Variants in SYNE1 observed in about 807,000 individuals in gnomAD.
SYNE1 encodes spectrin repeat containing nuclear envelope protein 1.
In SYNE1, 616 loss-of-function variants were observed where a neutral mutation model predicts 1,111.0. The ratio of observed to expected loss-of-function variants is 0.55; its 90% CI spans 0.52 to 0.59. The LOEUF (loss-of-function observed/expected upper bound fraction) is 0.59. SYNE1 is among the 20% of genes least tolerant of loss of function. The probability of loss-of-function intolerance (pLI) is 0.00; values close to 1 mark genes in which losing one functional copy is unlikely to be tolerated. For missense variants in SYNE1, 10,006 were observed against 10,417.0 expected (o/e 0.96, Z 1.72); for synonymous variants, 3,855 against 3,825.8 (o/e 1.01, Z -0.28).
chr6:152,286,933 G>A (rs748063281), intron 95 of SYNE1, among the ~76,000 whole-genome samples: 7 of 152,116 alleles, frequency 4.6e-5, no homozygotes, highest in Admixed American at 1.3e-4. Flanking sequence ...ATTCGCATAC[G>A]TTATCTTCTG....
chr6:152,499,311 T>C (rs2099015943), intron 10 of SYNE1, among the ~76,000 whole-genome samples: 1 of 152,094 alleles, frequency 6.6e-6, no homozygotes, highest in Admixed American at 6.5e-5. Context: ...GACTGAGTGC[T>C]AATTATTCAA....
At chr6:152,279,735 A>T (rs1277388406) in intron 97 of SYNE1, among the ~76,000 whole-genome samples, 1 of 151,350 alleles carries the variant, frequency 6.6e-6, no homozygotes, top group African/African-American at 2.4e-5. Context: ...AAAAAAAAAA[A>T]AGAATATAAC....
At chr6:152,572,014 A>T (rs887940162) in intron 3 of SYNE1, among the ~76,000 whole-genome samples, 8 of 152,170 alleles carry the variant, frequency 5.3e-5, no homozygotes, top group Non-Finnish European at 1.0e-4. Flanking sequence ...TGAATTAAAG[A>T]AGGGGTTGGG....
intron 91 of SYNE1, 104 bp downstream of exon 91, chr6:152,308,385 G>A: frequency 6.5e-7 from 1 of 1,535,764 alleles, no homozygotes; most frequent in Non-Finnish European, 8.9e-7. Flanking sequence ...AACACATTAA[G>A]TGCAGGACAG....
In SYNE1 at chr6:152,149,576, A is replaced by C; in HGVS notation, c.24543T>G (p.Asp8181Glu). 1.2e-6 allele frequency: 2 copies of C among 1,614,170 alleles called. No individual in the cohort carries two copies. The highest frequency in any genetic ancestry group is 1.7e-6 in the Non-Finnish European group (2 of 1,180,044). The change falls in exon 136 of 146, where the codon GAT becomes GAG. Residue 8181 changes from aspartate (D) to glutamate (E), a missense_variant. Coordinates refer to ENST00000367255, the MANE Select transcript of SYNE1 (RefSeq NM_182961.4). ...EQLIEKSEPL[D>E]AAIIEEELDE... ...CTAGTTCCTCCTCGATGATCGCTGC[A>C]TCCAAGGGCTCACTCTTTTCTATCA...
At chr6:152,394,967 G>C (rs973866269) in intron 51 of SYNE1, among the ~76,000 whole-genome samples, 1 of 151,898 alleles carries the variant, frequency 6.6e-6, no homozygotes, top group Non-Finnish European at 1.5e-5. Flanking sequence ...ATTTTTAGTA[G>C]AGACAGGGTT....
intron 3 of SYNE1, among the ~76,000 whole-genome samples, chr6:152,614,952 G>A (rs1186639025): frequency 6.6e-6 from 1 of 152,028 alleles, no homozygotes; most frequent in Non-Finnish European, 1.5e-5. Context: ...TGGAGACGGG[G>A]GCAGGGGAGA....
rs188852595 is a variant in SYNE1, at chr6:152,148,242, G to A, written c.24779C>T (p.Ser8260Leu). 71 of 1,613,866 alleles carry A rather than the reference G, an allele frequency of 4.4e-5. No homozygotes were observed. Among genetic ancestry groups the A allele is most frequent in the South Asian group, 7.7e-5 (7 of 91,036 alleles). Residue 8260 changes from serine to leucine, a missense_variant, in exon 137 of 146, where the codon TCG becomes TTG. Ser to Leu is a moderately radical substitution (Grantham distance 145). This residue lies in a region of SYNE1 where 761 missense variants were observed against 795.5 expected (regional missense o/e 0.96). Transcript: ENST00000367255. The surrounding 1 kb of genome is among the most constrained non-coding windows in gnomAD (Gnocchi z 4.1). ...SPQPSSNLSLSLAQPLRSERS... is the reference protein window; with the variant it reads ...SPQPSSNLSLLLAQPLRSERS... ...CTCGCTCCGGAGGGGCTGAGCGAGCGAGAGGGAGAGATTGGAGGAAGGCTG... is the reference window on the plus strand; with the variant it reads ...CTCGCTCCGGAGGGGCTGAGCGAGCAAGAGGGAGAGATTGGAGGAAGGCTG...
intron 16 of SYNE1, among the ~76,000 whole-genome samples, chr6:152,469,125 G>T (rs1388602139): frequency 6.6e-6 from 1 of 151,996 alleles, no homozygotes; most frequent in African/African-American, 2.4e-5. Context: ...GGAAAGAATT[G>T]CACTTACAAA....
intron 3 of SYNE1, among the ~76,000 whole-genome samples, chr6:152,581,986 C>T (rs1055070093): frequency 6.6e-6 from 1 of 151,998 alleles, no homozygotes; most frequent in Non-Finnish European, 1.5e-5. Context: ...GCTTTTTGCT[C>T]TATATCCCAG....
At chr6:152,350,485 A>G in intron 71 of SYNE1, 133 bp downstream of exon 71, 1 of 1,464,586 alleles carries the variant, frequency 6.8e-7, no homozygotes, top group Non-Finnish European at 9.5e-7. Context: ...TCATTATGCC[A>G]ATTAAATATC....
chr6:152,316,740 G>C, intron 87 of SYNE1, 109 bp downstream of exon 87: 1 of 1,306,222 alleles, frequency 7.7e-7, no homozygotes, highest in Non-Finnish European at 1.1e-6. Context: ...CTTTTTATCT[G>C]GTAGCTCCAA....
At chr6:152,302,468 T>TA (rs2095229197) in intron 91 of SYNE1, among the ~76,000 whole-genome samples, 2 of 152,326 alleles carry the variant, frequency 1.3e-5, no homozygotes, top group South Asian at 4.1e-4. Flanking sequence ...ATGTGATGGC[T>TA]AAAACCACAC....
chr6:152,367,177 A>T (rs2097096986), intron 62 of SYNE1, 41 bp downstream of exon 62: 1 of 1,613,930 alleles, frequency 6.2e-7, no homozygotes. Context: ...GAGAAAAACA[A>T]ATTCTGTAGG....
At chr6:152,369,970 G>A in intron 59 of SYNE1, among the ~76,000 whole-genome samples, 1 of 106,288 alleles carries the variant, frequency 9.4e-6, no homozygotes, top group South Asian at 3.3e-4. Flanking sequence ...GTGACAGAGG[G>A]TGACTCTGTC....
chr6:152,376,948 T>TA, intron 56 of SYNE1, 36 bp from the exon 57 acceptor site: 1 of 1,611,270 alleles, frequency 6.2e-7, no homozygotes, highest in Non-Finnish European at 8.5e-7. Context: ...AGCGAGCACT[T>TA]ACATTGGGTG....
rs569516130 is a variant in SYNE1, at chr6:152,348,599, C to T, written c.11902-1364G>A. ...ACTTGGGAGGCTGAGGCAGAAGAAT[C>T]GCTTGAACCCAGGAGGCAGAGGTTA... On this transcript the variant is annotated intron_variant, in intron 72 of 145. Coordinates refer to ENST00000367255, the MANE Select transcript of SYNE1 (RefSeq NM_182961.4). 9.2e-5 allele frequency among the ~76,000 whole-genome samples: 14 copies of T among 152,122 alleles called. No individual in the cohort carries two copies. The South Asian group carries it at 2.5e-3, about 27-fold the overall frequency.
At chr6:152,211,471 T>C (rs62428334) in intron 124 of SYNE1, 23 bp downstream of exon 124, 10 of 1,585,198 alleles carry the variant, frequency 6.3e-6, no homozygotes, top group Non-Finnish European at 8.7e-6. Context: ...CCTTTCTTTG[T>C]AATAATTTAT....
intron 9 of SYNE1, among the ~76,000 whole-genome samples, chr6:152,504,729 C>T (rs1219364126): frequency 6.6e-6 from 1 of 152,122 alleles, no homozygotes; most frequent in Non-Finnish European, 1.5e-5. Context: ...GCACTCACGC[C>T]CTTACCAAAA....
Sources: allele counts gnomAD v4.1 joint callset (sites outside exome capture counted in the v4.1 genomes callset), GRCh38; gene constraint gnomAD v4.1.1; regional missense constraint gnomAD v4.1.1; non-coding constraint Gnocchi (gnomAD v3.1); transcripts MANE v1.5; gene names NCBI Gene and HGNC (gene_info 2026-07-23, HGNC 2026-07-21).